The following UBE2O variants were observed in gnomAD, a reference collection of about 807,000 sequenced individuals.
UBE2O encodes ubiquitin conjugating enzyme E2 O.
In UBE2O, 15 loss-of-function variants were observed where a neutral mutation model predicts 125.8. That is an observed-to-expected ratio of 0.12 (90% CI 0.08 to 0.18). The LOEUF (loss-of-function observed/expected upper bound fraction) is 0.18, where lower values mean the gene tolerates loss of function less well. Ranked by LOEUF, UBE2O falls within the 10% of genes least tolerant of loss-of-function variation. The pLI is 1.00. For synonymous variants in UBE2O, 708 were observed against 703.2 expected (o/e 1.01, Z -0.11); for missense variants, 1,280 against 1,723.6 (o/e 0.74, Z 4.56).
chr17:76,433,557 GCA>G (rs1327065534), intron 1 of UBE2O, among the ~76,000 whole-genome samples: 1 of 151,474 alleles, frequency 6.6e-6, no homozygotes, highest in Non-Finnish European at 1.5e-5. Flanking sequence ...CACTTGAACT[GCA>G]CACTTTAAAA....
Position 76,396,283 on chromosome 17 carries a change from A to G in UBE2O, c.2654T>C (p.Val885Ala), listed in dbSNP as rs775305144. The stretch of plus-strand genomic sequence containing the variant: ...CTCGGGCTTGTCCTCCTTGCGCTCT[A>G]CGTCGGGCACTGCTTCCATCTTCTC... ...EEEKMEAVPD[V>A]ERKEDKPEGQ... Residue 885 changes from valine to alanine, a missense_variant, in exon 14 of 18, where the codon GTA (valine) becomes GCA (alanine). This residue lies in a region of UBE2O where 116 missense variants were observed against 154.8 expected (regional missense o/e 0.75). Transcript: ENST00000319380. The surrounding 1 kb of genome is among the most constrained non-coding windows in gnomAD (Gnocchi z 6.7). The G allele has an allele frequency of 2.5e-6, 4 of 1,614,172 alleles. No homozygotes were observed. Among genetic ancestry groups the G allele is most frequent in the Admixed American group, 1.7e-5 (1 of 60,024 alleles).
chr17:76,397,917 G>C, intron 12 of UBE2O, 29 bp from the exon 13 acceptor site: 1 of 1,610,828 alleles, frequency 6.2e-7, no homozygotes, highest in East Asian at 2.2e-5. Context: ...AAAGTCAGGG[G>C]GCCCAGCTCA....
At chr17:76,431,712 G>C (rs752654700) in intron 1 of UBE2O, among the ~76,000 whole-genome samples, 25 of 151,960 alleles carry the variant, frequency 1.6e-4, no homozygotes, top group Non-Finnish European at 2.4e-4. Context: ...GAAGCCCAGC[G>C]GGGGGGACTG....
chr17:76,417,510 A>C (rs1169420364), intron 1 of UBE2O, among the ~76,000 whole-genome samples: 1 of 152,228 alleles, frequency 6.6e-6, no homozygotes, highest in Admixed American at 6.5e-5. Context: ...TAGAGTATTA[A>C]CCACCTCCTT....
intron 1 of UBE2O, among the ~76,000 whole-genome samples, chr17:76,447,038 C>A (rs1316161221): frequency 1.3e-5 from 2 of 152,218 alleles, no homozygotes; most frequent in African/African-American, 4.8e-5. Flanking sequence ...CTCCTGCCTG[C>A]CCACTGGCAC....
Position 76,428,528 on chromosome 17 carries a change from G to A in UBE2O, c.418-22956C>T, listed in dbSNP as rs937294275. Among the ~76,000 whole-genome samples the A allele has an allele frequency of 4.6e-5, 7 of 152,236 alleles. No individual in the cohort carries two copies. The East Asian group carries it at 1.4e-3, about 29-fold the overall frequency. ...GGATAAAATATTGGCTCTTCTTTCT[G>A]AGTATATTTGCCATGTGCTTTAAGG... is the stretch of plus-strand genomic sequence containing the variant. On this transcript the variant is annotated intron_variant, in intron 1 of 17. Coordinates refer to ENST00000319380, the MANE Select transcript of UBE2O (RefSeq NM_022066.4).
chr17:76,390,960 A>G lies in UBE2O; in HGVS notation c.3862T>C (p.Cys1288Arg), dbSNP rs1598575657. 3.1e-6 allele frequency: 5 copies of G among 1,609,094 alleles called. No homozygotes were observed. Among genetic ancestry groups the G allele is most frequent in the African/African-American group, 2.7e-5 (2 of 74,856 alleles). Reference protein sequence around the residue: ...AALLEAGMPECTEDK With the variant: ...AALLEAGMPERTEDK ...CCTGGCAGCTACTTGTCCTCTGTGCACTCCGGCATGCCTGCCTCTAGCAGG... is the reference window on the plus strand; with the variant it reads ...CCTGGCAGCTACTTGTCCTCTGTGCGCTCCGGCATGCCTGCCTCTAGCAGG... Residue 1288 changes from cysteine to arginine, a missense_variant, in exon 18 of 18, where the codon TGC (cysteine) becomes CGC (arginine). Cys to Arg is a radical substitution (Grantham distance 180). Transcript: ENST00000319380.
intron 1 of UBE2O, among the ~76,000 whole-genome samples, chr17:76,420,612 T>G (rs904730685): frequency 2.2e-4 from 33 of 152,280 alleles, no homozygotes; most frequent in African/African-American, 6.7e-4. Flanking sequence ...CTTACAACTC[T>G]GTAACTACAT....
At chr17:76,428,902 ATT>A (rs935968445) in intron 1 of UBE2O, among the ~76,000 whole-genome samples, 19 of 136,110 alleles carry the variant, frequency 1.4e-4, no homozygotes, top group Admixed American at 3.6e-4. Flanking sequence ...CCCCTCTACT[ATT>A]TTTTTTTTTT....
Position 76,452,614 on chromosome 17 carries a change from G to T in UBE2O, c.417+111C>A. On this transcript the variant is annotated intron_variant, in intron 1 of 17. Coordinates refer to ENST00000319380, the MANE Select transcript of UBE2O (RefSeq NM_022066.4). The surrounding 1 kb of genome is among the most constrained non-coding windows in gnomAD (Gnocchi z 4.4). ...CCACTGGGGCTGTCCTCCCGCGTCGGCCACTGCAGTGGCACCGCTCCGGGC... is the reference window on the plus strand; with the variant it reads ...CCACTGGGGCTGTCCTCCCGCGTCGTCCACTGCAGTGGCACCGCTCCGGGC... 1.9e-6 allele frequency: 2 copies of T among 1,047,940 alleles called. No homozygotes were observed. Among genetic ancestry groups the T allele is most frequent in the South Asian group, 2.9e-5 (1 of 34,254 alleles). 64.9% of individuals were successfully genotyped at this position (1,047,940 alleles called of 1,614,324 possible).
intron 1 of UBE2O, among the ~76,000 whole-genome samples, chr17:76,415,898 T>C (rs563846487): frequency 6.6e-6 from 1 of 152,142 alleles, no homozygotes; most frequent in East Asian, 1.9e-4. Context: ...CATACACGTA[T>C]ATACAAATAT....
At chr17:76,421,071 G>T (rs1337641047) in intron 1 of UBE2O, among the ~76,000 whole-genome samples, 3 of 152,136 alleles carry the variant, frequency 2.0e-5, no homozygotes, top group African/African-American at 7.2e-5. Flanking sequence ...GGCATGGATG[G>T]GAAAGTGAAC....
chr17:76,452,665 G>A lies in UBE2O; in HGVS notation c.417+60C>T, dbSNP rs2073273614. On this transcript the variant is annotated intron_variant, in intron 1 of 17. Transcript: ENST00000319380. This position sits in a 1 kb window ranked among gnomAD's most constrained non-coding sequence, Gnocchi z 4.4. ...AGGGCCCTGCACGCCGTCCTTCCCT[G>A]GCCTCGGCCCGGCCGCCGACCCCCT... 1.5e-6 allele frequency: 2 copies of A among 1,331,426 alleles called. No homozygotes were observed. Among genetic ancestry groups the A allele is most frequent in the Non-Finnish European group, 1.9e-6 (2 of 1,048,430 alleles). 82.5% of individuals were successfully genotyped at this position (1,331,426 alleles called of 1,614,324 possible).
chr17:76,450,583 G>A (rs1029509720), intron 1 of UBE2O, among the ~76,000 whole-genome samples: 2 of 151,696 alleles, frequency 1.3e-5, no homozygotes, highest in African/African-American at 4.8e-5. Context: ...GAGGCCAGCT[G>A]CAAAATCTAT....
At chr17:76,393,970 G>A (rs1268754831) in intron 15 of UBE2O, among the ~76,000 whole-genome samples, 1 of 152,104 alleles carries the variant, frequency 6.6e-6, no homozygotes, top group African/African-American at 2.4e-5. Flanking sequence ...GGGGAAAACA[G>A]AACAAAACAA....
intron 1 of UBE2O, among the ~76,000 whole-genome samples, chr17:76,429,519 G>C (rs2072868192): frequency 7.2e-6 from 1 of 139,104 alleles, no homozygotes; most frequent in African/African-American, 2.6e-5. Flanking sequence ...TCCAGCCTGG[G>C]TGACAGAGTG....
At chr17:76,428,570 T>C (rs2072850728) in intron 1 of UBE2O, among the ~76,000 whole-genome samples, 1 of 152,210 alleles carries the variant, frequency 6.6e-6, no homozygotes, top group African/African-American at 2.4e-5. Flanking sequence ...CCTACCTGAA[T>C]CAGCTCTGAT....
chr17:76,411,517 C>T (rs2072515745), intron 1 of UBE2O, among the ~76,000 whole-genome samples: 1 of 152,136 alleles, frequency 6.6e-6, no homozygotes, highest in Non-Finnish European at 1.5e-5. Flanking sequence ...TGCATGGAGC[C>T]TAAGCACTTA....
chr17:76,446,329 A>G (rs1298039719), intron 1 of UBE2O, among the ~76,000 whole-genome samples: 1 of 152,186 alleles, frequency 6.6e-6, no homozygotes, highest in Non-Finnish European at 1.5e-5. Flanking sequence ...ATACACGACA[A>G]TTGCACCCTT....
Sources: allele counts gnomAD v4.1 joint callset (sites outside exome capture counted in the v4.1 genomes callset), GRCh38; gene constraint gnomAD v4.1.1; regional missense constraint gnomAD v4.1.1; non-coding constraint Gnocchi (gnomAD v3.1); transcripts MANE v1.5; gene names NCBI Gene and HGNC (gene_info 2026-07-23, HGNC 2026-07-21).